Variants in TBX3 observed in about 807,000 individuals in gnomAD.
The protein encoded by TBX3 is T-box transcription factor TBX3.
Under a neutral mutation model 47.8 loss-of-function variants are expected in TBX3, and 11 were observed. That is an observed-to-expected ratio of 0.23 (90% confidence interval 0.14 to 0.38). The LOEUF is 0.38. TBX3 is among the 10% of genes least tolerant of loss of function. TBX3 has a pLI of 1.00. For synonymous variants in TBX3, 500 were observed against 449.3 expected (o/e 1.11, Z -1.43); for missense variants, 927 against 1,022.8 (o/e 0.91, Z 1.28).
At position 114,672,110 on chromosome 12, in the gene TBX3, G is replaced by A. The variant is rs532607516; in HGVS notation, c.1903C>T (p.Leu635=). 7.6e-6 allele frequency: 12 copies of A among 1,568,824 alleles called. No individual in the cohort carries two copies. Among genetic ancestry groups the A allele is most frequent in the Non-Finnish European group, 1.0e-5 (12 of 1,157,014 alleles). ...IPVPVPDGSS[L]LTTALPSMAA... ...ATGGAGGGCAGGGCGGTGGTGAGCA[G>A]ACTGCTGCCGTCCGGGACCGGCACC... The change falls in exon 7 of 7, where the codon CTG becomes TTG. Residue 635 remains leucine (L), a synonymous_variant. Coordinates refer to ENST00000349155, the MANE Select transcript of TBX3 (RefSeq NM_005996.4).
intron 2 of TBX3, 41 bp downstream of exon 2, chr12:114,680,838 A>G: frequency 1.2e-6 from 2 of 1,613,900 alleles, no homozygotes; most frequent in Non-Finnish European, 1.7e-6. Flanking sequence ...TGACTGAGTG[A>G]AGGAGGAGAA....
intron 6 of TBX3, among the ~76,000 whole-genome samples, chr12:114,673,520 T>TG (rs536320402): frequency 2.3e-3 from 346 of 152,060 alleles, no homozygotes; most frequent in African/African-American, 7.9e-3. Context: ...TGCTTGGGGT[T>TG]GGGGGTGGGG....
intron 6 of TBX3, among the ~76,000 whole-genome samples, chr12:114,673,097 C>T (rs1038902324): frequency 1.3e-5 from 2 of 152,212 alleles, no homozygotes; most frequent in Admixed American, 6.5e-5. Context: ...CCTTGAGGTG[C>T]CCTTAAGGTT....
rs752590045 is a variant in TBX3, at chr12:114,672,255, C to T, written c.1758G>A (p.Thr586=). 3 of 1,576,640 alleles carry T rather than the reference C, an allele frequency of 1.9e-6. No homozygotes were observed. In the Admixed American group the frequency reaches 5.5e-5, roughly 29 times the overall value. The change falls in exon 7 of 7, where the codon ACG becomes ACA. Residue 586 remains threonine (T), a synonymous_variant. Transcript: ENST00000349155. ...AGGCGGCCGCCGCTGCGGCCATGTA[C>T]GTGTAGGGGTAAGGGAACAGGCTTC... ...PFGSLFPYPY[T]YMAAAAAASS...
chr12:114,675,639 T>A (rs1020556513), intron 5 of TBX3, among the ~76,000 whole-genome samples: 49 of 5,088 alleles, frequency 9.6e-3, no homozygotes, highest in African/African-American at 0.057. Context: ...TGAGAGTGTG[T>A]GTGTGTGTGT....
intron 3 of TBX3, 27 bp from the exon 4 acceptor site, chr12:114,677,683 G>C: frequency 6.2e-7 from 1 of 1,604,364 alleles, no homozygotes. Flanking sequence ...AAGCAAGACA[G>C]AGACATTGTT....
At chr12:114,673,366 T>C (rs1868534535) in intron 6 of TBX3, among the ~76,000 whole-genome samples, 1 of 152,162 alleles carries the variant, frequency 6.6e-6, no homozygotes, top group South Asian at 2.1e-4. Context: ...TTCAGGGTGT[T>C]TCCAGCCGCC....
In TBX3 at chr12:114,671,527, G is replaced by A. The variant is rs991505443; in HGVS notation, c.*314C>T. The A allele has an allele frequency of 2.0e-6, 1 of 491,190 alleles. No homozygotes were observed. Among genetic ancestry groups the A allele is most frequent in the Non-Finnish European group, 3.7e-6 (1 of 271,134 alleles). The allele number at this position is 491,190 out of a possible 1,614,324, so 30.4% of individuals were successfully genotyped here. Reference sequence around the variant, plus strand: ...ATGTCTTTGAACACCTCCCCGCCTGGTGGGCAGAGACCCAGACCAGCCTTG... The same window carrying A: ...ATGTCTTTGAACACCTCCCCGCCTGATGGGCAGAGACCCAGACCAGCCTTG... On this transcript the variant is annotated 3_prime_UTR_variant, in exon 7 of 7. Transcript: ENST00000349155.
Position 114,674,519 on chromosome 12 carries a change from C to G in TBX3, c.1356G>C (p.Ala452=). The G allele has an allele frequency of 1.3e-6, 2 of 1,509,418 alleles. No individual in the cohort carries two copies. The highest frequency in any genetic ancestry group is 1.8e-6 in the Non-Finnish European group (2 of 1,133,546). 93.5% of individuals were successfully genotyped at this position (1,509,418 alleles called of 1,614,324 possible). A position where few individuals can be genotyped will look rare whatever the true frequency, so the allele number is the denominator to read the frequency against. The part of the protein sequence containing the change: ...TAPAKVEEAR[A]LPGKEAFAPL... ...GCGCGAAGGCCTCCTTGCCCGGGAG[C>G]GCGCGCGCCTCTTCCACCTTGGCCG... The change falls in exon 6 of 7, where the codon GCG becomes GCC. Residue 452 remains alanine, a synonymous_variant. Coordinates refer to ENST00000349155, the MANE Select transcript of TBX3 (RefSeq NM_005996.4).
chr12:114,681,113 A>G lies in TBX3; in HGVS notation c.423T>C (p.Ser141=), dbSNP rs1235085462. The change falls in exon 2 of 7, where the codon TCT becomes TCC. Residue 141 remains serine, a synonymous_variant. Coordinates refer to ENST00000349155, the MANE Select transcript of TBX3 (RefSeq NM_005996.4). ...TGTATTTGGCTTTTTTATCCAGCCCAGAACATCTCACTTTAAATGGAGGAA... is the reference window on the plus strand; with the variant it reads ...TGTATTTGGCTTTTTTATCCAGCCCGGAACATCTCACTTTAAATGGAGGAA... ...RMFPPFKVRC[S]GLDKKAKYIL... is the part of the protein sequence containing the mutation. 6.2e-7 allele frequency: 1 copy of G among 1,614,220 alleles called. No homozygotes were observed. The highest frequency in any genetic ancestry group is 1.1e-5 in the South Asian group (1 of 91,080).
chr12:114,684,137 T>C lies in TBX3; in HGVS notation c.-937A>G, dbSNP rs947421525. 1.1e-4 allele frequency: 26 copies of C among 229,024 alleles called. No individual in the cohort carries two copies. The highest frequency in any genetic ancestry group is 2.0e-4 in the Non-Finnish European group (23 of 115,992). 14.2% of individuals were successfully genotyped at this position (229,024 alleles called of 1,614,324 possible). ...GGGAGCGAGAGAAAGCGAGAGCTCCTCGCCACCCTCCGCCGCCTCTAGAAT... is the reference window on the plus strand; with the variant it reads ...GGGAGCGAGAGAAAGCGAGAGCTCCCCGCCACCCTCCGCCGCCTCTAGAAT... On this transcript the variant is annotated 5_prime_UTR_variant, in exon 1 of 7. Transcript: ENST00000349155.
rs765821877 is a variant in TBX3, at chr12:114,672,221, C to T, written c.1792G>A (p.Ala598Thr). ...MAAAAAASSA[A>T]ASSSVHRHPF... ...TGGCGGTGCACCGAGCTGGAGGCTG[C>T]CGCAGAGGAGGCGGCCGCCGCTGCG... The change falls in exon 7 of 7, where the codon GCA becomes ACA. Residue 598 changes from alanine (A) to threonine (T), a missense_variant. By Grantham distance (58) the Ala-to-Thr change is moderately conservative (BLOSUM62 0). This residue lies in a region of TBX3 where 623 missense variants were observed against 569.0 expected (regional missense o/e 1.09). Transcript: ENST00000349155. 1 of 1,573,738 alleles carries T rather than the reference C, an allele frequency of 6.4e-7. No homozygotes were observed. Among genetic ancestry groups the T allele is most frequent in the Non-Finnish European group, 8.6e-7 (1 of 1,160,554 alleles).
chr12:114,680,454 A>T (rs576071433), intron 2 of TBX3: 2 of 312,676 alleles, frequency 6.4e-6, no homozygotes, highest in Non-Finnish European at 1.2e-5. Context: ...TATTCACACC[A>T]TTTAACCAAC....
At chr12:114,674,126 G>T in intron 6 of TBX3, 39 bp downstream of exon 6, 1 of 1,565,572 alleles carries the variant, frequency 6.4e-7, no homozygotes, top group East Asian at 2.3e-5. Context: ...CTGGACGAAA[G>T]GTGGAAAGAC....
intron 6 of TBX3, 126 bp from the exon 7 acceptor site, chr12:114,672,428 G>T: frequency 2.6e-5 from 17 of 645,092 alleles, no homozygotes; most frequent in South Asian, 6.6e-5. Flanking sequence ...TGTTGTTGTT[G>T]TTGTTGTGTT....
intron 3 of TBX3, among the ~76,000 whole-genome samples, chr12:114,678,500 A>G (rs1027728377): frequency 3.3e-5 from 5 of 152,170 alleles, no homozygotes; most frequent in African/African-American, 1.2e-4. Flanking sequence ...AAATTGCTCT[A>G]TTGAAGACTT....
At chr12:114,679,867 C>T (rs186079955) in intron 2 of TBX3, 84 of 1,605,326 alleles carry the variant, frequency 5.2e-5, no homozygotes, top group East Asian at 4.2e-4. Context: ...GGGCCCCCCC[C>T]ACCCTCACCA....
At chr12:114,678,056 A>ACACACACACG (rs1868787083) in intron 3 of TBX3, among the ~76,000 whole-genome samples, 1 of 148,120 alleles carries the variant, frequency 6.8e-6, no homozygotes, top group African/African-American at 2.5e-5. Context: ...ACACACACAC[A>ACACACACACG]CTCCTTTTCC....
At position 114,683,185 on chromosome 12, in the gene TBX3, T is replaced by C. The variant is rs1475498518; in HGVS notation, c.16A>G (p.Arg6Gly). The change falls in exon 1 of 7, where the codon AGA becomes GGA. Residue 6 changes from arginine (R) to glycine (G), a missense_variant. By Grantham distance (125) the Arg-to-Gly change is moderately radical (BLOSUM62 -2). Transcript: ENST00000349155. The surrounding 1 kb of genome is among the most constrained non-coding windows in gnomAD (Gnocchi z 7.7). MSLSM[R>G]DPVIPGTSMA... Reference sequence around the variant, plus strand: ...CTTGTCCCAGGAATGACCGGATCTCTCATGGAGAGGCTCATCCACTCCAGG... The same window carrying C: ...CTTGTCCCAGGAATGACCGGATCTCCCATGGAGAGGCTCATCCACTCCAGG... 10 of 1,611,568 alleles carry C rather than the reference T, an allele frequency of 6.2e-6. No homozygotes were observed. The East Asian group carries it at 2.0e-4, about 32-fold the overall frequency.
Sources: allele counts gnomAD v4.1 joint callset (sites outside exome capture counted in the v4.1 genomes callset), GRCh38; gene constraint gnomAD v4.1.1; regional missense constraint gnomAD v4.1.1; non-coding constraint Gnocchi (gnomAD v3.1); transcripts MANE v1.5; gene names NCBI Gene and HGNC (gene_info 2026-07-23, HGNC 2026-07-21).